The following SOX6 variants were observed in gnomAD, a reference collection of about 807,000 sequenced individuals.
SOX6 encodes the protein transcription factor SOX-6.
SOX6 carries 11 observed loss-of-function variants against 97.8 expected under a neutral mutation model. The ratio of observed to expected loss-of-function variants is 0.11; its 90% CI spans 0.07 to 0.19. The LOEUF (loss-of-function observed/expected upper bound fraction) is 0.19, where lower values mean the gene tolerates loss of function less well. Ranked by LOEUF, SOX6 falls within the 10% of genes least tolerant of loss-of-function variation. SOX6 has a pLI of 1.00. For missense variants in SOX6, 810 were observed against 1,039.5 expected (o/e 0.78, Z 3.04); for synonymous variants, 360 against 371.4 (o/e 0.97, Z 0.35).
At chr11:16,181,114 A>G (rs935975255) in intron 6 of SOX6, among the ~76,000 whole-genome samples, 6 of 151,672 alleles carry the variant, frequency 4.0e-5, no homozygotes, top group African/African-American at 9.7e-5. Flanking sequence ...CTATTTCAGA[A>G]GACAGCATTC....
intron 7 of SOX6, among the ~76,000 whole-genome samples, chr11:16,099,144 T>C (rs1250231470): frequency 6.6e-6 from 1 of 151,800 alleles, no homozygotes; most frequent in East Asian, 1.9e-4. Context: ...TCACTAACAT[T>C]ATATTGTGCT....
chr11:16,042,667 T>C (rs1221253643), intron 12 of SOX6, among the ~76,000 whole-genome samples: 1 of 152,120 alleles, frequency 6.6e-6, no homozygotes, highest in Non-Finnish European at 1.5e-5. Flanking sequence ...CATATGCAAA[T>C]TGAAGTGATT....
chr11:16,083,814 T>A (rs1228102243), intron 9 of SOX6, among the ~76,000 whole-genome samples: 1 of 152,164 alleles, frequency 6.6e-6, no homozygotes, highest in East Asian at 1.9e-4. Flanking sequence ...ACAACTTCCC[T>A]ATGGGGGTAT....
chr11:16,453,694 A>G (rs1283855703), intron 1 of SOX6, among the ~76,000 whole-genome samples: 1 of 152,132 alleles, frequency 6.6e-6, no homozygotes, highest in Non-Finnish European at 1.5e-5. Flanking sequence ...AAATATTGGT[A>G]AAGATCTAAA....
chr11:15,988,010 C>A (rs949986834), intron 14 of SOX6, among the ~76,000 whole-genome samples: 1 of 152,146 alleles, frequency 6.6e-6, no homozygotes, highest in Non-Finnish European at 1.5e-5. Context: ...ACATGTGTAT[C>A]TGTGCATGTC....
chr11:16,057,451 T>C (rs1230175731), intron 9 of SOX6, among the ~76,000 whole-genome samples: 1 of 152,158 alleles, frequency 6.6e-6, no homozygotes, highest in African/African-American at 2.4e-5. Context: ...AGTAAAACTC[T>C]ACCCAACGTA....
intron 4 of SOX6, among the ~76,000 whole-genome samples, chr11:16,188,015 C>T (rs1402371507): frequency 6.6e-6 from 1 of 151,978 alleles, no homozygotes; most frequent in Non-Finnish European, 1.5e-5. Context: ...TTATGAAACC[C>T]CCTCATTCCT....
intron 9 of SOX6, among the ~76,000 whole-genome samples, chr11:16,072,054 C>T (rs1848238811): frequency 6.6e-6 from 1 of 152,174 alleles, no homozygotes; most frequent in African/African-American, 2.4e-5. Context: ...AATGACCACA[C>T]TAGTACCCCA....
At chr11:16,340,823 T>TA (rs1856605863) in intron 2 of SOX6, among the ~76,000 whole-genome samples, 189 bp downstream of exon 2, 2 of 152,194 alleles carry the variant, frequency 1.3e-5, no homozygotes, top group South Asian at 4.1e-4. Flanking sequence ...TAAACGTATA[T>TA]ACACTAAATC....
At chr11:16,717,371 A>G (rs1038228095) in intron 2 of SOX6, among the ~76,000 whole-genome samples, 1 of 152,134 alleles carries the variant, frequency 6.6e-6, no homozygotes, top group Non-Finnish European at 1.5e-5. Context: ...TTTTAATTTC[A>G]GAGAGTTAGA....
intron 4 of SOX6, among the ~76,000 whole-genome samples, chr11:16,488,310 T>C (rs920169771): frequency 2.1e-4 from 32 of 152,216 alleles, no homozygotes; most frequent in Middle Eastern, 6.8e-3. Flanking sequence ...TTGCATGAAA[T>C]GTGTAAAGAG....
At chr11:16,637,181 T>C (rs1205002454) in intron 3 of SOX6, among the ~76,000 whole-genome samples, 1 of 152,192 alleles carries the variant, frequency 6.6e-6, no homozygotes, top group African/African-American at 2.4e-5. Context: ...AGTTCTTTTT[T>C]AGATTTACTA....
chr11:16,009,229 A>G (rs139478407), intron 13 of SOX6, among the ~76,000 whole-genome samples: 1 of 152,130 alleles, frequency 6.6e-6, no homozygotes, highest in Non-Finnish European at 1.5e-5. Context: ...TTATTGCATC[A>G]TCCCTAATTG....
At chr11:16,343,257 T>C (rs1856688245) in intron 1 of SOX6, among the ~76,000 whole-genome samples, 1 of 151,954 alleles carries the variant, frequency 6.6e-6, no homozygotes, top group Admixed American at 6.6e-5. Flanking sequence ...ATATCAATAA[T>C]CATTCACATT....
intron 3 of SOX6, among the ~76,000 whole-genome samples, chr11:16,623,290 G>A (rs1013973986): frequency 6.6e-6 from 1 of 152,162 alleles, no homozygotes; most frequent in African/African-American, 2.4e-5. Context: ...CAAAGTGCTA[G>A]GATTACAGGC....
rs148062966 is a variant in SOX6 at position 16,631,812 on chromosome 11, G to A, written n.430-19552C>T. On this transcript the variant is annotated intron_variant and non_coding_transcript_variant, in intron 3 of 5. Coordinates refer to the SOX6 transcript ENST00000524520. ...CTTTTTCTTTATTTTTGTCTAACTG[G>A]GTTAGTTACAAAGACTGGTCTTCAA... Among the ~76,000 whole-genome samples the A allele has an allele frequency of 3.9e-3, 587 of 151,760 alleles. 3 individuals are homozygous for A. Among genetic ancestry groups the A allele is most frequent in the Non-Finnish European group, 6.0e-3 (407 of 67,878 alleles).
chr11:16,594,685 T>TG (rs1491278284), intron 4 of SOX6, among the ~76,000 whole-genome samples: 4 of 6,062 alleles, frequency 6.6e-4, no homozygotes, highest in Non-Finnish European at 1.5e-3. Context: ...CGGTTTTTGC[T>TG]TTTTTTTTTT....
At position 16,475,443 on chromosome 11, in the gene SOX6, G is replaced by A. The variant is rs903194661; in HGVS notation, c.-5+872C>T. Among the ~76,000 whole-genome samples, 7 of 152,138 alleles carry A rather than the reference G, an allele frequency of 4.6e-5. No homozygotes were observed. The East Asian group carries it at 1.3e-3, about 29-fold the overall frequency. Reference sequence around the variant, plus strand: ...TTGAACACTTAGAAGTCATTGTAGGGTTATTAATTGGCCCAATTTCAATAT... The same window carrying A: ...TTGAACACTTAGAAGTCATTGTAGGATTATTAATTGGCCCAATTTCAATAT... On this transcript the variant is annotated intron_variant, in intron 1 of 15. Coordinates refer to the SOX6 transcript ENST00000396356.
At chr11:16,067,843 T>A (rs1407737671) in intron 9 of SOX6, among the ~76,000 whole-genome samples, 1 of 152,046 alleles carries the variant, frequency 6.6e-6, no homozygotes, top group Non-Finnish European at 1.5e-5. Context: ...TTTAAAAAAA[T>A]TCCCCTTCAA....
Sources: gnomAD v4.1 joint callset for allele counts (sites outside exome capture counted in the v4.1 genomes callset) on GRCh38, gnomAD v4.1.1 for gene constraint, MANE v1.5 for transcripts, NCBI Gene and HGNC (gene_info 2026-07-23, HGNC 2026-07-21) for gene names.